The following RBM47 variants were observed in gnomAD, a reference collection of about 807,000 sequenced individuals.
The protein encoded by RBM47 is RNA-binding protein 47.
RBM47 carries 21 observed loss-of-function variants against 47.1 expected under a neutral mutation model. The ratio of observed to expected loss-of-function variants is 0.45; its 90% CI spans 0.32 to 0.64. The LOEUF (loss-of-function observed/expected upper bound fraction) is 0.64. Ranked by LOEUF, RBM47 falls within the 30% of genes least tolerant of loss-of-function variation. The pLI, the probability that RBM47 is intolerant of heterozygous loss-of-function variation, is 0.05. For missense variants in RBM47, 708 were observed against 870.9 expected, an observed-to-expected ratio of 0.81 and a Z score of 2.35; for synonymous variants, 375 against 361.7, an observed-to-expected ratio of 1.04 and a Z score of -0.42.
chr4:40,581,798 T>C (rs6811645), intron 1 of RBM47, among the ~76,000 whole-genome samples: 91,525 of 151,480 alleles, frequency 0.6, 28,311 homozygotes, highest in African/African-American at 0.73. Context: ...GAAAGGGAGC[T>C]TCAGCAGCTC....
chr4:40,527,647 G>A (rs142049026), intron 2 of RBM47, among the ~76,000 whole-genome samples: 2 of 150,386 alleles, frequency 1.3e-5, no homozygotes, highest in African/African-American at 4.9e-5. Context: ...GGCTGGTCTC[G>A]AACTCCTGGC....
chr4:40,611,497 A>C (rs1736255608), intron 1 of RBM47, among the ~76,000 whole-genome samples: 1 of 152,058 alleles, frequency 6.6e-6, no homozygotes, highest in Non-Finnish European at 1.5e-5. Context: ...GAAGGCCACA[A>C]GGCAGGCAGA....
chr4:40,590,870 T>C (rs1336880363), intron 1 of RBM47, among the ~76,000 whole-genome samples: 3 of 152,208 alleles, frequency 2.0e-5, no homozygotes, highest in East Asian at 3.8e-4. Context: ...TGGTGCGATC[T>C]TGGCTCGCTG....
intron 1 of RBM47, among the ~76,000 whole-genome samples, chr4:40,622,384 G>T (rs948475222): frequency 6.6e-6 from 1 of 152,208 alleles, no homozygotes; most frequent in African/African-American, 2.4e-5. Flanking sequence ...CAGTGCAAAG[G>T]CCCTGTGGTA....
intron 1 of RBM47, among the ~76,000 whole-genome samples, chr4:40,620,710 T>C (rs1578084350): frequency 6.6e-6 from 1 of 152,312 alleles, no homozygotes; most frequent in East Asian, 1.9e-4. Flanking sequence ...AAAAAATTTT[T>C]TTTAATAGAG....
chr4:40,451,714 AT>A (rs1715471177), intron 3 of RBM47, among the ~76,000 whole-genome samples: 1 of 152,246 alleles, frequency 6.6e-6, no homozygotes, highest in African/African-American at 2.4e-5. Context: ...ATGTGGTAAA[AT>A]AAATGATTAA....
At chr4:40,506,647 G>A (rs1337098597) in intron 2 of RBM47, among the ~76,000 whole-genome samples, 1 of 152,180 alleles carries the variant, frequency 6.6e-6, no homozygotes, top group Admixed American at 6.5e-5. Context: ...TGGCTTCCAA[G>A]TTACCTTCTG....
chr4:40,426,177 A>C, intron 6 of RBM47, 34 bp from the exon 7 acceptor site: 1 of 1,606,822 alleles, frequency 6.2e-7, no homozygotes, highest in Non-Finnish European at 8.5e-7. Flanking sequence ...GCCTTCCTGA[A>C]CACGTGTATG....
intron 1 of RBM47, among the ~76,000 whole-genome samples, chr4:40,564,697 C>T (rs778002228): frequency 7.9e-5 from 12 of 152,170 alleles, no homozygotes; most frequent in Non-Finnish European, 1.5e-4. Flanking sequence ...ACAAAAAAAT[C>T]ACTGTCTAGC....
At position 40,554,713 on chromosome 4, in the gene RBM47, C is replaced by T. The variant is rs573474583; in HGVS notation, c.-239-10207G>A. 1.3e-4 allele frequency among the ~76,000 whole-genome samples: 20 copies of T among 151,864 alleles called. No homozygotes were observed. The South Asian group carries it at 3.1e-3, about 24-fold the overall frequency. On this transcript the variant is annotated intron_variant, in intron 1 of 6. Transcript: ENST00000295971. The stretch of plus-strand genomic sequence containing the variant: ...GAAATAATTTAGCAGCAAAATCCGA[C>T]GCTCTAGTTCCTTCCTCCCTTCCCC...
chr4:40,612,305 G>A (rs1267358593), intron 1 of RBM47, among the ~76,000 whole-genome samples: 2 of 152,196 alleles, frequency 1.3e-5, no homozygotes. Flanking sequence ...GCCGATGTGG[G>A]CAGATCACTT....
intron 2 of RBM47, among the ~76,000 whole-genome samples, chr4:40,541,930 T>C (rs1240933685): frequency 6.6e-6 from 1 of 152,178 alleles, no homozygotes; most frequent in African/African-American, 2.4e-5. Flanking sequence ...ACATTGACTA[T>C]GTCGATGATC....
At chr4:40,564,122 T>C (rs766819052) in intron 1 of RBM47, among the ~76,000 whole-genome samples, 33 of 152,124 alleles carry the variant, frequency 2.2e-4, no homozygotes, top group African/African-American at 3.6e-4. Flanking sequence ...CATGGAAGCA[T>C]AGACCACAGT....
At chr4:40,575,416 G>A (rs368941121) in intron 1 of RBM47, among the ~76,000 whole-genome samples, 7 of 151,998 alleles carry the variant, frequency 4.6e-5, no homozygotes, top group African/African-American at 1.7e-4. Flanking sequence ...GCCAGGAGTG[G>A]TGGCGGGCCC....
intron 1 of RBM47, among the ~76,000 whole-genome samples, chr4:40,610,937 G>A (rs1736208315): frequency 6.6e-6 from 1 of 152,144 alleles, no homozygotes; most frequent in Non-Finnish European, 1.5e-5. Flanking sequence ...CCCAGCCATG[G>A]GGAACTGTTA....
intron 4 of RBM47, among the ~76,000 whole-genome samples, chr4:40,437,055 C>T (rs1258552917): frequency 1.1e-5 from 1 of 93,968 alleles, no homozygotes; most frequent in African/African-American, 4.6e-5. Context: ...GCCTGGGGAG[C>T]ATGGTGAGAC....
intron 2 of RBM47, among the ~76,000 whole-genome samples, chr4:40,517,959 A>G (rs1433545523): frequency 1.3e-5 from 2 of 152,150 alleles, no homozygotes; most frequent in African/African-American, 2.4e-5. Flanking sequence ...GGGGGCCTGC[A>G]ACCAATTCCC....
chr4:40,501,377 C>A (rs1723337461), intron 2 of RBM47, among the ~76,000 whole-genome samples: 1 of 152,200 alleles, frequency 6.6e-6, no homozygotes, highest in Admixed American at 6.5e-5. Context: ...GCTCACAGTT[C>A]TAACCTCAGA....
chr4:40,428,969 T>C (rs913035012), intron 6 of RBM47, among the ~76,000 whole-genome samples: 3 of 152,184 alleles, frequency 2.0e-5, no homozygotes, highest in African/African-American at 7.2e-5. Flanking sequence ...TCAACTGAAG[T>C]CTGAAAATAT....
Sources: allele counts gnomAD v4.1 joint callset (sites outside exome capture counted in the v4.1 genomes callset), GRCh38; gene constraint gnomAD v4.1.1; transcripts MANE v1.5; gene names NCBI Gene and HGNC (gene_info 2026-07-23, HGNC 2026-07-21).